Variants in AFAP1L1 observed in about 807,000 individuals in gnomAD.
The protein encoded by AFAP1L1 is actin filament-associated protein 1-like 1.
Under a neutral mutation model 99.8 loss-of-function variants are expected in AFAP1L1, and 77 were observed. The observed-to-expected ratio is 0.77, with a 90% CI of 0.64 to 0.93. AFAP1L1 has a LOEUF of 0.93. AFAP1L1 is among the 40% of genes least tolerant of loss of function. The probability of loss-of-function intolerance (pLI) is 0.00; values close to 1 mark genes in which losing one functional copy is unlikely to be tolerated. For missense variants in AFAP1L1, 893 were observed against 996.8 expected, an observed-to-expected ratio of 0.90 and a Z score of 1.40; for synonymous variants, 373 against 395.3, an observed-to-expected ratio of 0.94 and a Z score of 0.67.
intron 1 of AFAP1L1, among the ~76,000 whole-genome samples, chr5:149,281,332 A>G (rs1413879571): frequency 6.6e-6 from 1 of 152,140 alleles, no homozygotes. Context: ...GACAGATGCA[A>G]TAACTAAGGT....
At chr5:149,335,805 A>G in intron 18 of AFAP1L1, 83 bp downstream of exon 18, 1 of 1,550,622 alleles carries the variant, frequency 6.4e-7, no homozygotes, top group South Asian at 1.2e-5. Flanking sequence ...CAAAAAATCA[A>G]CTAGTGAGAA....
chr5:149,279,884 A>G (rs1037722390), intron 1 of AFAP1L1, among the ~76,000 whole-genome samples: 4 of 152,206 alleles, frequency 2.6e-5, no homozygotes, highest in African/African-American at 9.7e-5. Flanking sequence ...CCCAAGATAC[A>G]TGCCTGTTGT....
At chr5:149,288,591 C>T (rs73795967) in intron 1 of AFAP1L1, among the ~76,000 whole-genome samples, 31 of 152,180 alleles carry the variant, frequency 2.0e-4, no homozygotes, top group Non-Finnish European at 3.2e-4. Flanking sequence ...GTGAGGAGTG[C>T]GCGTGTGTGT....
intron 15 of AFAP1L1, among the ~76,000 whole-genome samples, chr5:149,327,443 G>A (rs1034353469): frequency 2.0e-5 from 3 of 151,762 alleles, no homozygotes; most frequent in Non-Finnish European, 4.4e-5. Context: ...ACACTAGACT[G>A]TACACTACAG....
chr5:149,304,140 C>CACT (rs1756322238), intron 5 of AFAP1L1: 1 of 152,180 alleles, frequency 6.6e-6, no homozygotes, highest in Non-Finnish European at 1.5e-5. Context: ...CCTTTTGTGT[C>CACT]TGGCTTCTTT....
chr5:149,331,615 G>A lies in AFAP1L1; in HGVS notation c.1976-1080G>A, dbSNP rs945887941. On this transcript the variant is annotated intron_variant, in intron 16 of 18. Transcript: ENST00000296721. ...AGCCTGGGTGACAGAGCGAGACTCCGTCTCAAGAAAAAAAAAAAAAAATTG... is the reference window on the plus strand; with the variant it reads ...AGCCTGGGTGACAGAGCGAGACTCCATCTCAAGAAAAAAAAAAAAAAATTG... 5.3e-5 allele frequency among the ~76,000 whole-genome samples: 8 copies of A among 149,774 alleles called. No homozygotes were observed. The East Asian group carries it at 5.9e-4, about 11-fold the overall frequency.
Position 149,307,535 on chromosome 5 carries a change from A to G in AFAP1L1, c.669A>G (p.Ile223Met). The G allele has an allele frequency of 6.2e-7, 1 of 1,614,084 alleles. No homozygotes were observed. Among genetic ancestry groups the G allele is most frequent in the Non-Finnish European group, 8.5e-7 (1 of 1,180,032 alleles). The change falls in exon 7 of 19, where the codon ATA becomes ATG. Residue 223 changes from isoleucine (I) to methionine (M), a missense_variant. Transcript: ENST00000296721. ...ASMHLVRECR[I>M]CAFLLRKKRF... ...TGCACCTGGTGAGGGAATGCAGGATATGTGCCTTCCTGCTGCGGAAAAAGC... is the reference window on the plus strand; with the variant it reads ...TGCACCTGGTGAGGGAATGCAGGATGTGTGCCTTCCTGCTGCGGAAAAAGC...
Position 149,340,129 on chromosome 5 carries a change from T to A in AFAP1L1, c.*99T>A, listed in dbSNP as rs899862125. The A allele has an allele frequency of 1.3e-5, 19 of 1,452,572 alleles. No individual in the cohort carries two copies. Among genetic ancestry groups the A allele is most frequent in the Non-Finnish European group, 1.7e-5 (18 of 1,048,538 alleles). The allele number at this position is 1,452,572 out of a possible 1,614,324, so 90.0% of individuals were successfully genotyped here. A position where few individuals can be genotyped will look rare whatever the true frequency, so the allele number is the denominator to read the frequency against. Reference sequence around the variant, plus strand: ...GAGACACCAAGAGAAGACTAGGAAGTAGCCCTCGTTCTCCAGGGCACCCAA... The same window carrying A: ...GAGACACCAAGAGAAGACTAGGAAGAAGCCCTCGTTCTCCAGGGCACCCAA... On this transcript the variant is annotated 3_prime_UTR_variant, in exon 19 of 19. Transcript: ENST00000296721.
intron 8 of AFAP1L1, among the ~76,000 whole-genome samples, chr5:149,311,336 T>C (rs935561605): frequency 6.6e-6 from 1 of 152,150 alleles, no homozygotes; most frequent in Non-Finnish European, 1.5e-5. Flanking sequence ...ATCCCTAGAC[T>C]GGAGTTAAAA....
chr5:149,277,390 T>C (rs1306417317), intron 1 of AFAP1L1, among the ~76,000 whole-genome samples: 2 of 152,096 alleles, frequency 1.3e-5, no homozygotes, highest in African/African-American at 4.8e-5. Flanking sequence ...AACCAGCTTT[T>C]GAGATCCAAA....
chr5:149,285,889 TG>T (rs1319132314), intron 1 of AFAP1L1, among the ~76,000 whole-genome samples: 2 of 152,190 alleles, frequency 1.3e-5, no homozygotes, highest in African/African-American at 4.8e-5. Flanking sequence ...GTCCTTTCTA[TG>T]AATTCCAGGT....
intron 8 of AFAP1L1, among the ~76,000 whole-genome samples, chr5:149,311,351 C>T (rs72838703): frequency 0.045 from 6,796 of 152,262 alleles, 202 homozygotes; most frequent in Non-Finnish European, 0.065. Flanking sequence ...TTAAAAGAGA[C>T]TTGCCTTGAC....
At position 149,290,489 on chromosome 5, in the gene AFAP1L1, G is replaced by A. The variant is rs997596609; in HGVS notation, c.17-9020G>A. Reference sequence around the variant, plus strand: ...CAGAGGTACACAGTTTGGAAATTGGGGAACAGGAATTAAACTCAGGTGGTT... The same window carrying A: ...CAGAGGTACACAGTTTGGAAATTGGAGAACAGGAATTAAACTCAGGTGGTT... On this transcript the variant is annotated intron_variant, in intron 1 of 18. Coordinates refer to ENST00000296721, the MANE Select transcript of AFAP1L1 (RefSeq NM_152406.4). Among the ~76,000 whole-genome samples, 3 of 152,030 alleles carry A rather than the reference G, an allele frequency of 2.0e-5. No homozygotes were observed. The South Asian group carries it at 6.3e-4, about 32-fold the overall frequency.
intron 18 of AFAP1L1, among the ~76,000 whole-genome samples, chr5:149,336,751 C>G (rs1264602256): frequency 6.6e-6 from 1 of 152,202 alleles, no homozygotes; most frequent in Admixed American, 6.5e-5. Flanking sequence ...ACGGATTAAT[C>G]CATATTCATG....
intron 1 of AFAP1L1, among the ~76,000 whole-genome samples, chr5:149,293,504 A>G (rs1195686825): frequency 6.6e-6 from 1 of 152,214 alleles, no homozygotes; most frequent in Non-Finnish European, 1.5e-5. Context: ...CACTTGCTAC[A>G]TGTTTAATAT....
chr5:149,280,520 C>T (rs1010350048), intron 1 of AFAP1L1, among the ~76,000 whole-genome samples: 7 of 151,798 alleles, frequency 4.6e-5, no homozygotes, highest in African/African-American at 1.7e-4. Context: ...GATGTTCACA[C>T]AAGGGTGATA....
At chr5:149,327,440 A>G (rs746632749) in intron 15 of AFAP1L1, among the ~76,000 whole-genome samples, 3 of 152,082 alleles carry the variant, frequency 2.0e-5, no homozygotes, top group Non-Finnish European at 4.4e-5. Flanking sequence ...ACTACACTAG[A>G]CTGTACACTA....
In AFAP1L1 at chr5:149,288,634, C is replaced by T. The variant is rs531012359; in HGVS notation, c.17-10875C>T. On this transcript the variant is annotated intron_variant, in intron 1 of 18. Transcript: ENST00000296721. ...TTCCACTTCCTCCTGGACCCATTTC[C>T]TTTGTGAGCTCAACAGGGAGGAATC... Among the ~76,000 whole-genome samples the T allele has an allele frequency of 2.2e-4, 33 of 152,294 alleles. 2 individuals carry two copies. In the South Asian group the frequency reaches 6.6e-3, roughly 31 times the overall value.
intron 15 of AFAP1L1, among the ~76,000 whole-genome samples, chr5:149,326,956 A>G (rs1290873984): frequency 6.6e-6 from 1 of 152,202 alleles, no homozygotes; most frequent in Admixed American, 6.5e-5. Context: ...CAAATAAGAA[A>G]ATAACAACCC....
Sources: gnomAD v4.1 joint callset for allele counts (sites outside exome capture counted in the v4.1 genomes callset) on GRCh38, gnomAD v4.1.1 for gene constraint, MANE v1.5 for transcripts, NCBI Gene and HGNC (gene_info 2026-07-23, HGNC 2026-07-21) for gene names.